Variants in DNAH10 observed in about 807,000 individuals in gnomAD.
DNAH10 encodes the protein dynein axonemal heavy chain 10, also known as axonemal beta dynein heavy chain 10.
DNAH10 carries 348 observed loss-of-function variants against 506.6 expected under a neutral mutation model. The ratio of observed to expected loss-of-function variants is 0.69; its 90% CI spans 0.63 to 0.75. The LOEUF is 0.75. Among genes scored for constraint, DNAH10 ranks in the 30% least tolerant of loss-of-function variants. The pLI is 0.00. For missense variants in DNAH10, 5,179 were observed against 5,787.1 expected (o/e 0.89, Z 3.41); for synonymous variants, 2,059 against 2,198.6 (o/e 0.94, Z 1.78).
At chr12:123,921,571 T>C (rs930392330) in intron 65 of DNAH10, among the ~76,000 whole-genome samples, 4 of 152,160 alleles carry the variant, frequency 2.6e-5, no homozygotes, top group Non-Finnish European at 5.9e-5. Context: ...TACTGCCAGT[T>C]CCTGAGCTTT....
chr12:123,931,543 G>A (rs983189713), intron 74 of DNAH10, 71 bp downstream of exon 74: 19 of 1,605,736 alleles, frequency 1.2e-5, no homozygotes, highest in East Asian at 4.5e-5. Flanking sequence ...GCCCTCCCAC[G>A]TTGCTGATGC....
intron 20 of DNAH10, 54 bp from the exon 21 acceptor site, chr12:123,813,700 G>A (rs1486972706): frequency 3.7e-6 from 6 of 1,612,304 alleles, no homozygotes; most frequent in Admixed American, 1.7e-5. Flanking sequence ...CTTCATTTGC[G>A]CCATTACTGT....
In DNAH10 at chr12:123,913,347, G is replaced by T; in HGVS notation, c.10352+32G>T. 1.3e-6 allele frequency: 2 copies of T among 1,533,312 alleles called. No individual in the cohort carries two copies. Among genetic ancestry groups the T allele is most frequent in the Admixed American group, 2.1e-5 (1 of 48,122 alleles). The allele number at this position is 1,533,312 out of a possible 1,614,324, so 95.0% of individuals were successfully genotyped here. A position where few individuals can be genotyped will look rare whatever the true frequency, so the allele number is the denominator to read the frequency against. On this transcript the variant is annotated intron_variant, in intron 60 of 78. Transcript: ENST00000673944. This position sits in a 1 kb window ranked among gnomAD's most constrained non-coding sequence, Gnocchi z 5.1. ...GCTGCTCACGAGCCCACCTGTTGCGGTTTGTAAACGGACGTCACCCACAGA... is the reference window on the plus strand; with the variant it reads ...GCTGCTCACGAGCCCACCTGTTGCGTTTTGTAAACGGACGTCACCCACAGA...
chr12:123,924,468 C>A, intron 67 of DNAH10, 36 bp downstream of exon 67: 1 of 1,601,514 alleles, frequency 6.2e-7, no homozygotes. Context: ...CTCTCCTTCC[C>A]CACATGTCAA....
intron 1 of DNAH10, among the ~76,000 whole-genome samples, chr12:123,763,055 C>G (rs547508761): frequency 5.1e-4 from 78 of 152,232 alleles, no homozygotes; most frequent in African/African-American, 1.9e-3. Context: ...ACGGAGGGTC[C>G]GAAGAGCACC....
chr12:123,848,321 T>A (rs10773040), intron 33 of DNAH10, among the ~76,000 whole-genome samples: 82,108 of 152,086 alleles, frequency 0.54, 22,721 homozygotes, highest in Non-Finnish European at 0.6. Context: ...AGGGTCAGGT[T>A]GATAATGTAC....
chr12:123,814,054 A>C, intron 21 of DNAH10, 142 bp downstream of exon 21: 2 of 715,578 alleles, frequency 2.8e-6, no homozygotes, highest in Non-Finnish European at 4.3e-6. Context: ...ATGTAAAGCA[A>C]TGCCACTGTT....
chr12:123,901,470 G>A (rs1270438533), intron 56 of DNAH10, among the ~76,000 whole-genome samples: 2 of 152,178 alleles, frequency 1.3e-5, no homozygotes, highest in African/African-American at 4.8e-5. Flanking sequence ...GGCTTTGCAC[G>A]CTGCAAGTGC....
chr12:123,831,543 A>G (rs1960543555), intron 26 of DNAH10, among the ~76,000 whole-genome samples: 1 of 152,200 alleles, frequency 6.6e-6, no homozygotes, highest in African/African-American at 2.4e-5. Flanking sequence ...AAGGAACTAC[A>G]TTGAGTACGG....
chr12:123,873,307 C>T (rs574900326), intron 45 of DNAH10, among the ~76,000 whole-genome samples: 1 of 152,318 alleles, frequency 6.6e-6, no homozygotes, highest in South Asian at 2.1e-4. Flanking sequence ...AGTCTACTTT[C>T]TTGTATGCCA....
chr12:123,796,867 A>G (rs1401566988), intron 13 of DNAH10, 35 bp downstream of exon 13: 5 of 1,478,892 alleles, frequency 3.4e-6, no homozygotes, highest in Non-Finnish European at 4.5e-6. Context: ...CTCCTTTTGT[A>G]TTTGATTTTT....
In DNAH10 at chr12:123,864,655, G is replaced by A. The variant is rs1235796138; in HGVS notation, c.6969G>A (p.Met2323Ile). The change falls in exon 40 of 79, where the codon ATG becomes ATA. Residue 2323 changes from methionine to isoleucine, a missense_variant. Around this residue, in one of 3 missense-constraint regions of DNAH10, gnomAD observed 4,844 missense variants for 5,430.5 expected, o/e 0.89. Transcript: ENST00000673944. ...ALWVENMNSV[M>I]DDNRLLTLAN... is the part of the protein sequence containing the mutation. ...GGGTGGAAAACATGAATTCTGTGAT[G>A]GATGACAACAGGTTGTTGACATTGG... 1 of 1,614,004 alleles carries A rather than the reference G, an allele frequency of 6.2e-7. No homozygotes were observed. The highest frequency in any genetic ancestry group is 1.1e-5 in the South Asian group (1 of 91,074).
In DNAH10 at chr12:123,893,214, G is replaced by A. The variant is rs1323383316; in HGVS notation, c.8996-19G>A. The A allele has an allele frequency of 1.2e-6, 2 of 1,611,948 alleles. No homozygotes were observed. The highest frequency in any genetic ancestry group is 1.7e-5 in the Admixed American group (1 of 59,818). On this transcript the variant is annotated intron_variant, in intron 52 of 78. Transcript: ENST00000673944. ...ACCCTGGGACTCAGAGAGATCACCA[G>A]CATGTCTTCCTTTTCCAGGAATTGT...
intron 23 of DNAH10, among the ~76,000 whole-genome samples, chr12:123,819,700 G>GGTTT (rs1555224051): frequency 3.9e-5 from 4 of 101,844 alleles, no homozygotes; most frequent in Admixed American, 1.1e-4. Context: ...CTAAAATTCT[G>GGTTT]TTTTTTTTTT....
intron 24 of DNAH10, among the ~76,000 whole-genome samples, chr12:123,824,235 A>C (rs1959726253): frequency 6.6e-6 from 1 of 152,142 alleles, no homozygotes; most frequent in Non-Finnish European, 1.5e-5. Context: ...GAAGACTCCA[A>C]GGTTTTTGGC....
chr12:123,896,148 C>CACACACAGAGAGAG lies in DNAH10; in HGVS notation c.9280+1426_9280+1427insCACACAGAGAGAGA, dbSNP rs1383690518. Among the ~76,000 whole-genome samples, 121 of 95,264 alleles carry CACACACAGAGAGAG rather than the reference C, an allele frequency of 1.3e-3. 1 individual carries two copies. The highest frequency in any genetic ancestry group is 4.6e-3 in the African/African-American group (88 of 19,324). 62.5% of individuals were successfully genotyped at this position (95,264 alleles called of 152,430 possible). A position where few individuals can be genotyped will look rare whatever the true frequency, so the allele number is the denominator to read the frequency against. ...ACACACACACACACACACACACACA[C>CACACACAGAGAGAG]AGAGAGAGAGAGAGAGAGAGAGAGA... On this transcript the variant is annotated intron_variant, in intron 54 of 78. Coordinates refer to ENST00000673944, the MANE Select transcript of DNAH10 (RefSeq NM_001372106.1).
chr12:123,849,527 G>A (rs558316185), intron 34 of DNAH10, among the ~76,000 whole-genome samples: 13 of 152,256 alleles, frequency 8.5e-5, no homozygotes, highest in African/African-American at 2.4e-4. Context: ...CAGGACCAGC[G>A]TGGGTGGGCC....
At chr12:123,895,177 T>C (rs1340167754) in intron 54 of DNAH10, among the ~76,000 whole-genome samples, 4 of 152,222 alleles carry the variant, frequency 2.6e-5, no homozygotes, top group Admixed American at 1.3e-4. Context: ...CAAAGAATGC[T>C]CCAAGGACAA....
At chr12:123,789,404 G>A (rs1957993676) in intron 10 of DNAH10, among the ~76,000 whole-genome samples, 1 of 151,530 alleles carries the variant, frequency 6.6e-6, no homozygotes, top group Non-Finnish European at 1.5e-5. Context: ...GTGCATGTGA[G>A]ACAGAGTCTC....
Sources: allele counts gnomAD v4.1 joint callset (sites outside exome capture counted in the v4.1 genomes callset), GRCh38; gene constraint gnomAD v4.1.1; regional missense constraint gnomAD v4.1.1; non-coding constraint Gnocchi (gnomAD v3.1); transcripts MANE v1.5; gene names NCBI Gene and HGNC (gene_info 2026-07-23, HGNC 2026-07-21).